POT1: variants seen among roughly 807,000 people sequenced by gnomAD.
POT1 encodes protection of telomeres 1, also known as protection of telomeres protein 1.
In POT1, 47 loss-of-function variants were observed where a neutral mutation model predicts 78.5. That is an observed-to-expected ratio of 0.60 (90% confidence interval 0.47 to 0.76). The LOEUF (loss-of-function observed/expected upper bound fraction) is 0.76, where lower values mean the gene tolerates loss of function less well. Ranked by LOEUF, POT1 falls within the 30% of genes least tolerant of loss-of-function variation. The probability of loss-of-function intolerance (pLI) is 0.00; values close to 1 mark genes in which losing one functional copy is unlikely to be tolerated. For missense variants in POT1, 646 were observed against 749.9 expected, an observed-to-expected ratio of 0.86 and a Z score of 1.62; for synonymous variants, 259 against 260.7, an observed-to-expected ratio of 0.99 and a Z score of 0.06.
At position 124,825,320 on chromosome 7, in the gene POT1, A is replaced by G. The variant is rs1238381156; in HGVS notation, c.1724T>C (p.Met575Thr). The G allele has an allele frequency of 1.2e-6, 2 of 1,610,986 alleles. No homozygotes were observed. Among genetic ancestry groups the G allele is most frequent in the Admixed American group, 1.7e-5 (1 of 59,884 alleles). The change falls in exon 18 of 19, where the codon ATG becomes ACG. Residue 575 changes from methionine to threonine, a missense_variant. By Grantham distance (81) the Met-to-Thr change is moderately conservative. Transcript: ENST00000357628. Reference sequence around the variant, plus strand: ...CACACTTTTCTGAAGGTCATCATCCATCAGAACTTCTGATGCTGGAATCTG... The same window carrying G: ...CACACTTTTCTGAAGGTCATCATCCGTCAGAACTTCTGATGCTGGAATCTG... ...FFQIPASEVLMDDDLQKSVDM... is the reference protein window; with the variant it reads ...FFQIPASEVLTDDDLQKSVDM...
At position 124,859,101 on chromosome 7, in the gene POT1, G is replaced by A. The variant is rs751607119; in HGVS notation, c.558C>T (p.Gly186=). 3.1e-6 allele frequency: 5 copies of A among 1,592,862 alleles called. No individual in the cohort carries two copies. The South Asian group carries it at 4.6e-5, about 15-fold the overall frequency. The change falls in exon 9 of 19, where the codon GGC becomes GGT. Residue 186 remains glycine (G), a synonymous_variant. Transcript: ENST00000357628. ...GASFLLKVWD[G]TRTPFPSWRV... Reference sequence around the variant, plus strand: ...TCCAAGATGGAAATGGTGTCCTGGTGCCATCCCATACCTGCCATAAGAGAG... The same window carrying A: ...TCCAAGATGGAAATGGTGTCCTGGTACCATCCCATACCTGCCATAAGAGAG...
intron 4 of POT1, among the ~76,000 whole-genome samples, chr7:124,897,487 C>T (rs1796520684): frequency 6.6e-6 from 1 of 151,802 alleles, no homozygotes; most frequent in Non-Finnish European, 1.5e-5. Context: ...CAGCAATATT[C>T]AGTTCTCAGG....
chr7:124,863,849 C>A (rs1795659036), intron 7 of POT1, among the ~76,000 whole-genome samples: 1 of 152,100 alleles, frequency 6.6e-6, no homozygotes, highest in African/African-American at 2.4e-5. Flanking sequence ...ATCATGGAAA[C>A]TGTGAACCTC....
intron 2 of POT1, among the ~76,000 whole-genome samples, chr7:124,921,817 T>G (rs937144405): frequency 1.3e-5 from 2 of 151,776 alleles, no homozygotes; most frequent in African/African-American, 4.8e-5. Context: ...TACATGAACA[T>G]ACACACGTAA....
At chr7:124,873,484 T>C (rs1188656471) in intron 6 of POT1, among the ~76,000 whole-genome samples, 1 of 152,250 alleles carries the variant, frequency 6.6e-6, no homozygotes, top group South Asian at 2.1e-4. Context: ...TTTAATGTGC[T>C]GTTGAATTTG....
At chr7:124,910,342 T>G (rs144668121) in intron 3 of POT1, among the ~76,000 whole-genome samples, 175 of 152,120 alleles carry the variant, frequency 1.2e-3, no homozygotes, top group African/African-American at 3.8e-3. Flanking sequence ...GGTGTGGAGA[T>G]AGAGCGGTTT....
In POT1 at chr7:124,870,990, C is replaced by A. The variant is rs763187597; in HGVS notation, c.176G>T (p.Cys59Phe). The change falls in exon 7 of 19, where the codon TGC becomes TTC. Residue 59 changes from cysteine (C) to phenylalanine (F), a missense_variant. By Grantham distance (205) the Cys-to-Phe change is radical (BLOSUM62 -2). This residue lies in a region of POT1 where 252 missense variants were observed against 341.4 expected (regional missense o/e 0.74). Coordinates refer to ENST00000357628, the MANE Select transcript of POT1 (RefSeq NM_015450.3). ...TTCATAGTTTCCACTAAAGAGCAGG[C>A]AAGTTAGTTTTACATTTGTCTGGTC... ...IVDQTNVKLT[C>F]LLFSGNYEAL... 6.2e-7 allele frequency: 1 copy of A among 1,610,014 alleles called. No homozygotes were observed. Among genetic ancestry groups the A allele is most frequent in the East Asian group, 2.2e-5 (1 of 44,592 alleles).
rs148831084 is a variant in POT1, at chr7:124,834,807, C to T, written c.1505+472G>A. ...GACACATGCACATGTACGTTTATTGCAGCACTATTCACAATAGCAAAGACC... is the reference window on the plus strand; with the variant it reads ...GACACATGCACATGTACGTTTATTGTAGCACTATTCACAATAGCAAAGACC... On this transcript the variant is annotated intron_variant, in intron 15 of 18. Coordinates refer to ENST00000357628, the MANE Select transcript of POT1 (RefSeq NM_015450.3). Among the ~76,000 whole-genome samples, 907 of 152,284 alleles carry T rather than the reference C, an allele frequency of 6.0e-3. 8 individuals are homozygous for T. The highest frequency in any genetic ancestry group is 0.021 in the African/African-American group (866 of 41,554).
chr7:124,838,587 C>T (rs963710470), intron 14 of POT1, among the ~76,000 whole-genome samples: 7 of 151,858 alleles, frequency 4.6e-5, no homozygotes, highest in Non-Finnish European at 8.8e-5. Flanking sequence ...CTGTCTCCAC[C>T]GTGACTTATA....
chr7:124,856,043 C>A (rs930021923), intron 9 of POT1, among the ~76,000 whole-genome samples: 2 of 151,992 alleles, frequency 1.3e-5, no homozygotes, highest in Non-Finnish European at 2.9e-5. Flanking sequence ...AAGGGCAATT[C>A]GGGCTCTAAA....
intron 9 of POT1, among the ~76,000 whole-genome samples, chr7:124,858,425 C>T (rs1056480618): frequency 1.3e-5 from 2 of 151,950 alleles, no homozygotes; most frequent in African/African-American, 4.8e-5. Context: ...AAACTGTGCA[C>T]CTTAATGTAT....
intron 8 of POT1, among the ~76,000 whole-genome samples, chr7:124,862,073 T>C (rs1270678855): frequency 6.6e-6 from 1 of 152,126 alleles, no homozygotes; most frequent in Non-Finnish European, 1.5e-5. Context: ...CTTAGGATTG[T>C]CTTGGCTATA....
At chr7:124,920,641 T>C (rs1468017256) in intron 2 of POT1, among the ~76,000 whole-genome samples, 8 of 147,168 alleles carry the variant, frequency 5.4e-5, no homozygotes, top group East Asian at 2.0e-4. Flanking sequence ...TATTCAGATA[T>C]GTAAAAGAAC....
At chr7:124,867,539 C>T (rs1391076663) in intron 7 of POT1, among the ~76,000 whole-genome samples, 2 of 152,122 alleles carry the variant, frequency 1.3e-5, no homozygotes, top group Non-Finnish European at 2.9e-5. Context: ...AAACATTTTC[C>T]CTCAAATCTC....
chr7:124,887,892 G>T (rs928688767), intron 6 of POT1, among the ~76,000 whole-genome samples: 14 of 151,964 alleles, frequency 9.2e-5, no homozygotes, highest in African/African-American at 3.4e-4. Flanking sequence ...GAAATTCATG[G>T]CTTTTGATGT....
At chr7:124,918,199 T>C (rs573355464) in intron 2 of POT1, among the ~76,000 whole-genome samples, 34 of 152,184 alleles carry the variant, frequency 2.2e-4, no homozygotes, top group Non-Finnish European at 3.5e-4. Context: ...TTTAACAAAC[T>C]GCCCTGAGGC....
intron 18 of POT1, 141 bp downstream of exon 18, chr7:124,825,111 T>C (rs1054643863): frequency 2.3e-6 from 1 of 440,466 alleles, no homozygotes; most frequent in Non-Finnish European, 4.0e-6. Context: ...TCATCAAAGG[T>C]TGATCATAGA....
At position 124,897,219 on chromosome 7, in the gene POT1, GA is replaced by G. The variant is rs1310652008; in HGVS notation, c.-39-8del. ...TTAAAGATTTGACATAAACCTGAAG[GA>G]AAAAAAGAAAGAACTTATTTGTATA... On this transcript the variant is annotated splice_polypyrimidine_tract_variant and splice_region_variant and intron_variant, in intron 4 of 18. Transcript: ENST00000357628. The G allele has an allele frequency of 6.8e-6, 9 of 1,330,092 alleles. No individual in the cohort carries two copies. The highest frequency in any genetic ancestry group is 1.9e-4 in the Middle Eastern group (1 of 5,250). The allele number at this position is 1,330,092 out of a possible 1,614,324, so 82.4% of individuals were successfully genotyped here.
intron 14 of POT1, among the ~76,000 whole-genome samples, chr7:124,838,272 C>T (rs1794942818): frequency 6.6e-6 from 1 of 151,192 alleles, no homozygotes; most frequent in South Asian, 2.1e-4. Context: ...GAAATCACAA[C>T]AAAAAAATTC....
Sources: allele counts gnomAD v4.1 joint callset (sites outside exome capture counted in the v4.1 genomes callset), GRCh38; gene constraint gnomAD v4.1.1; regional missense constraint gnomAD v4.1.1; transcripts MANE v1.5; gene names NCBI Gene and HGNC (gene_info 2026-07-23, HGNC 2026-07-21).